Variants in ACBD7 observed in about 807,000 individuals in gnomAD.
ACBD7 encodes acyl-CoA binding domain containing 7.
Under a neutral mutation model 13.7 loss-of-function variants are expected in ACBD7, and 11 were observed. That is an observed-to-expected ratio of 0.80 (90% CI 0.50 to 1.33). ACBD7 has a LOEUF of 1.33. Among genes scored for constraint, ACBD7 ranks in the 40% most tolerant of loss-of-function variants. ACBD7 has a pLI of 0.00. For synonymous variants in ACBD7, 43 were observed against 37.7 expected, an observed-to-expected ratio of 1.14 and a Z score of -0.51; for missense variants, 111 against 103.0, an observed-to-expected ratio of 1.08 and a Z score of -0.33.
At chr10:15,079,355 A>G (rs1238370926) in intron 1 of ACBD7, among the ~76,000 whole-genome samples, 3 of 149,240 alleles carry the variant, frequency 2.0e-5, no homozygotes, top group African/African-American at 5.0e-5. Context: ...ACTCACTGCA[A>G]CCTCTACTTC....
chr10:15,077,070 C>T lies in ACBD7; in HGVS notation c.*1460G>A. ...AAAATAGAACTACCATTCTACCCAGCAATCCCACTACTGGGTATCTTCTTA... is the reference window on the plus strand; with the variant it reads ...AAAATAGAACTACCATTCTACCCAGTAATCCCACTACTGGGTATCTTCTTA... On this transcript the variant is annotated 3_prime_UTR_variant, in exon 4 of 4. Transcript: ENST00000356189. 8 of 298,914 alleles carry T rather than the reference C, an allele frequency of 2.7e-5. No individual in the cohort carries two copies. The highest frequency in any genetic ancestry group is 3.5e-5 in the Non-Finnish European group (7 of 202,468). 18.5% of individuals were successfully genotyped at this position (298,914 alleles called of 1,614,324 possible).
At position 15,076,193 on chromosome 10, in the gene ACBD7, C is replaced by T. The variant is rs1191659683; in HGVS notation, c.*2337G>A. The T allele has an allele frequency of 1.0e-6, 1 of 985,016 alleles. No individual in the cohort carries two copies. The allele number at this position is 985,016 out of a possible 1,614,324, so 61.0% of individuals were successfully genotyped here. A position where few individuals can be genotyped will look rare whatever the true frequency, so the allele number is the denominator to read the frequency against. ...TTTTTATGCAGGGAATAGAGGTACA[C>T]TGTTTTGGGGGATATTTATCTTAAG... On this transcript the variant is annotated 3_prime_UTR_variant, in exon 4 of 4. Transcript: ENST00000356189.
intron 1 of ACBD7, among the ~76,000 whole-genome samples, chr10:15,081,281 AT>A (rs972737290): frequency 3.3e-5 from 5 of 152,196 alleles, no homozygotes; most frequent in African/African-American, 7.2e-5. Flanking sequence ...GGCTTGAGGC[AT>A]GACAAGATAA....
chr10:15,088,046 G>A (rs2131400759), intron 1 of ACBD7, among the ~76,000 whole-genome samples: 1 of 152,114 alleles, frequency 6.6e-6, no homozygotes, highest in African/African-American at 2.4e-5. Flanking sequence ...ATTTAATAAT[G>A]AGAAAATGCT....
Position 15,076,766 on chromosome 10 carries a change from G to A in ACBD7, c.*1764C>T, listed in dbSNP as rs1452866755. 5 of 983,016 alleles carry A rather than the reference G, an allele frequency of 5.1e-6. No individual in the cohort carries two copies. The East Asian group carries it at 5.7e-4, about 112-fold the overall frequency. The allele number at this position is 983,016 out of a possible 1,614,324, so 60.9% of individuals were successfully genotyped here. A position where few individuals can be genotyped will look rare whatever the true frequency, so the allele number is the denominator to read the frequency against. On this transcript the variant is annotated 3_prime_UTR_variant, in exon 4 of 4. Coordinates refer to ENST00000356189, the MANE Select transcript of ACBD7 (RefSeq NM_001039844.3). ...AATCCACCTACCTCGGCCTCCCAAA[G>A]TGCTGAGATTAGAGGCGTGAGCCAC...
chr10:15,080,273 G>A (rs1407221175), intron 1 of ACBD7, among the ~76,000 whole-genome samples: 1 of 152,060 alleles, frequency 6.6e-6, no homozygotes, highest in Non-Finnish European at 1.5e-5. Flanking sequence ...TAGACTTCCT[G>A]GAAACTCTAT....
chr10:15,079,073 G>A (rs375542858), intron 1 of ACBD7, 33 bp from the exon 2 acceptor site: 9 of 1,475,514 alleles, frequency 6.1e-6, no homozygotes, highest in African/African-American at 4.2e-5. Context: ...AACAAAAGGA[G>A]CATTTTACCA....
chr10:15,085,943 G>A (rs932845098), intron 1 of ACBD7, among the ~76,000 whole-genome samples: 1 of 152,232 alleles, frequency 6.6e-6, no homozygotes, highest in African/African-American at 2.4e-5. Context: ...TATGATCCCC[G>A]CACATGCCAG....
At chr10:15,079,503 G>A (rs1359659289) in intron 1 of ACBD7, among the ~76,000 whole-genome samples, 2 of 151,724 alleles carry the variant, frequency 1.3e-5, no homozygotes, top group African/African-American at 2.4e-5. Context: ...TTGAACTCCT[G>A]ACCTCAAGTG....
chr10:15,078,970 T>G lies in ACBD7; in HGVS notation c.83A>C (p.Glu28Ala). ...KARPDDGELK[E>A]LYGLYKQAIV... ...TGCTTGTTTGTAAAGCCCATAGAGT[T>G]CTTTCAGTTCTCCATCATCTGGTCT... The change falls in exon 2 of 4, where the codon GAA becomes GCA. Residue 28 changes from glutamate (E) to alanine (A), a missense_variant. Transcript: ENST00000356189. The G allele has an allele frequency of 1.2e-6, 2 of 1,608,028 alleles. No individual in the cohort carries two copies. Among genetic ancestry groups the G allele is most frequent in the Non-Finnish European group, 1.7e-6 (2 of 1,177,044 alleles).
At chr10:15,087,556 C>T (rs112010466) in intron 1 of ACBD7, among the ~76,000 whole-genome samples, 15,367 of 152,074 alleles carry the variant, frequency 0.1, 832 homozygotes, top group Middle Eastern at 0.2. Flanking sequence ...GCGGGTGGAT[C>T]ACTTGAGGTC....
intron 1 of ACBD7, among the ~76,000 whole-genome samples, chr10:15,080,597 A>G (rs1394799806): frequency 6.6e-6 from 1 of 152,026 alleles, no homozygotes; most frequent in African/African-American, 2.4e-5. Flanking sequence ...AAAACAAAAA[A>G]CCAAATGTAC....
chr10:15,084,169 T>A (rs763644183), intron 1 of ACBD7, among the ~76,000 whole-genome samples: 31 of 152,166 alleles, frequency 2.0e-4, no homozygotes, highest in Admixed American at 1.9e-3. Flanking sequence ...GAGCTCAACA[T>A]AAAGGCTATG....
At chr10:15,079,699 C>G (rs1844727675) in intron 1 of ACBD7, among the ~76,000 whole-genome samples, 2 of 151,894 alleles carry the variant, frequency 1.3e-5, no homozygotes, top group South Asian at 4.2e-4. Flanking sequence ...CTGCCTCAGC[C>G]TCCCGAGTAG....
rs1844702661 is a variant in ACBD7 at position 15,077,911 on chromosome 10, C to G, written c.*619G>C. ...ACAAACAAAAACTGCAACTGTACTC[C>G]CTAACTCTATAAAAATAAAAAATAC... On this transcript the variant is annotated 3_prime_UTR_variant, in exon 4 of 4. Coordinates refer to ENST00000356189, the MANE Select transcript of ACBD7 (RefSeq NM_001039844.3). 1 of 152,158 alleles carries G rather than the reference C, an allele frequency of 6.6e-6. No homozygotes were observed. Among genetic ancestry groups the G allele is most frequent in the Admixed American group, 6.6e-5 (1 of 15,242 alleles). The allele number at this position is 152,158 out of a possible 1,614,324, so 9.4% of individuals were successfully genotyped here. A position where few individuals can be genotyped will look rare whatever the true frequency, so the allele number is the denominator to read the frequency against.
rs200199667 is a variant in ACBD7, at chr10:15,078,726, C to T, written c.158G>A (p.Gly53Asp). The change falls in exon 3 of 4, where the codon GGC (glycine) becomes GAC (aspartate). Residue 53 changes from glycine (G) to aspartate (D), a missense_variant. Transcript: ENST00000356189. ...IACPGMLDLK[G>D]KAKWEAWNLK... ...GTTCCATGCTTCCCATTTGGCTTTG[C>T]CTTTTAAATCTAGCATTCCTGGACA... 3.5e-5 allele frequency: 56 copies of T among 1,613,782 alleles called. No homozygotes were observed. Among genetic ancestry groups the T allele is most frequent in the Admixed American group, 6.7e-5 (4 of 59,956 alleles).
intron 1 of ACBD7, among the ~76,000 whole-genome samples, chr10:15,085,212 C>T (rs1475201261): frequency 6.6e-6 from 1 of 152,226 alleles, no homozygotes; most frequent in East Asian, 1.9e-4. Context: ...GCTACTACAG[C>T]CCCTCCCTGG....
chr10:15,088,431 G>A, intron 1 of ACBD7: 2 of 509,722 alleles, frequency 3.9e-6, no homozygotes, highest in African/African-American at 2.0e-5. Context: ...CCCTCTCGGA[G>A]ACGGAGAGGA....
chr10:15,080,453 G>C (rs1407209741), intron 1 of ACBD7, among the ~76,000 whole-genome samples: 1 of 152,100 alleles, frequency 6.6e-6, no homozygotes, highest in African/African-American at 2.4e-5. Context: ...GGTGGTGCGT[G>C]CCTGTAATCC....
Sources: allele counts gnomAD v4.1 joint callset (sites outside exome capture counted in the v4.1 genomes callset), GRCh38; gene constraint gnomAD v4.1.1; transcripts MANE v1.5; gene names NCBI Gene and HGNC (gene_info 2026-07-23, HGNC 2026-07-21).